Variants in FBXL7 observed in about 807,000 individuals in gnomAD.
FBXL7 encodes F-box and leucine rich repeat protein 7.
A neutral mutation model predicts 38.3 loss-of-function variants in FBXL7; 12 were observed. The ratio of observed to expected loss-of-function variants is 0.31; its 90% CI spans 0.20 to 0.51. The LOEUF (loss-of-function observed/expected upper bound fraction) is 0.51, where lower values mean the gene tolerates loss of function less well. Ranked by LOEUF, FBXL7 falls within the 20% of genes least tolerant of loss-of-function variation. The probability of loss-of-function intolerance (pLI) is 0.98; values close to 1 mark genes in which losing one functional copy is unlikely to be tolerated. For synonymous variants in FBXL7, 297 were observed against 300.9 expected (o/e 0.99, Z 0.13); for missense variants, 567 against 676.4 (o/e 0.84, Z 1.79).
intron 2 of FBXL7, among the ~76,000 whole-genome samples, chr5:15,859,112 G>A (rs1739362692): frequency 1.3e-5 from 2 of 152,180 alleles, no homozygotes; most frequent in South Asian, 4.1e-4. Flanking sequence ...GCCCCAGTGT[G>A]AAGTAGATGA....
chr5:15,849,280 A>G (rs1478622120), intron 2 of FBXL7, among the ~76,000 whole-genome samples: 1 of 152,228 alleles, frequency 6.6e-6, no homozygotes, highest in Non-Finnish European at 1.5e-5. Context: ...TCTTCATTGC[A>G]TCTGAAAGAG....
chr5:15,556,730 T>C (rs1190578372), intron 1 of FBXL7, among the ~76,000 whole-genome samples: 1 of 152,198 alleles, frequency 6.6e-6, no homozygotes. Context: ...TGTGCCAATC[T>C]CTCAATAAAT....
At chr5:15,810,561 C>CA (rs35254262) in intron 2 of FBXL7, among the ~76,000 whole-genome samples, 74,702 of 135,434 alleles carry the variant, frequency 0.55, 20,655 homozygotes, top group Non-Finnish European at 0.64. Flanking sequence ...AACTCCGTCT[C>CA]AAAAAAAAAA....
chr5:15,781,574 G>A (rs1736994419), intron 2 of FBXL7, among the ~76,000 whole-genome samples: 1 of 152,122 alleles, frequency 6.6e-6, no homozygotes, highest in African/African-American at 2.4e-5. Flanking sequence ...ATGTTCTTTA[G>A]AGGTGAATCT....
chr5:15,751,283 C>T (rs1420694591), intron 2 of FBXL7, among the ~76,000 whole-genome samples: 2 of 152,026 alleles, frequency 1.3e-5, no homozygotes, highest in Admixed American at 1.3e-4. Context: ...GATCAGTGGT[C>T]AGATGGTAAC....
intron 2 of FBXL7, among the ~76,000 whole-genome samples, chr5:15,893,752 C>A (rs1284384221): frequency 1.3e-5 from 2 of 152,160 alleles, no homozygotes; most frequent in African/African-American, 4.8e-5. Flanking sequence ...TCAAATATTT[C>A]ATATTAGAAC....
At chr5:15,625,064 C>T (rs1022625339) in intron 2 of FBXL7, among the ~76,000 whole-genome samples, 1 of 151,952 alleles carries the variant, frequency 6.6e-6, no homozygotes, top group Non-Finnish European at 1.5e-5. Context: ...TTTTCGGTGA[C>T]CAGAATTATA....
chr5:15,501,728 G>T (rs909062335), intron 1 of FBXL7: 3 of 985,318 alleles, frequency 3.0e-6, no homozygotes, highest in Admixed American at 6.1e-5. Context: ...CAGAATGTGG[G>T]TGTCTCTCCT....
chr5:15,805,494 A>G (rs868050723), intron 2 of FBXL7, among the ~76,000 whole-genome samples: 2 of 151,152 alleles, frequency 1.3e-5, no homozygotes, highest in African/African-American at 4.9e-5. Flanking sequence ...AATTTTTTTT[A>G]TAGATTTAAC....
intron 2 of FBXL7, among the ~76,000 whole-genome samples, chr5:15,718,140 T>C (rs948114865): frequency 2.0e-5 from 3 of 152,184 alleles, no homozygotes; most frequent in Non-Finnish European, 2.9e-5. Flanking sequence ...TGTATATATG[T>C]TCCATGTACT....
intron 1 of FBXL7, among the ~76,000 whole-genome samples, chr5:15,564,519 A>C (rs1475645118): frequency 6.6e-6 from 1 of 152,026 alleles, no homozygotes; most frequent in Non-Finnish European, 1.5e-5. Context: ...AATATATTTT[A>C]AGTAGATATA....
chr5:15,818,297 A>C (rs1738074439), intron 2 of FBXL7, among the ~76,000 whole-genome samples: 1 of 152,218 alleles, frequency 6.6e-6, no homozygotes, highest in African/African-American at 2.4e-5. Context: ...ACTAGTGAGA[A>C]AGGATCACTT....
chr5:15,830,485 A>ACACACAC (rs1554024729), intron 2 of FBXL7, among the ~76,000 whole-genome samples: 1,854 of 144,278 alleles, frequency 0.013, 34 homozygotes, highest in East Asian at 0.055. Flanking sequence ...CTCCATCTAA[A>ACACACAC]ACACACACAC....
chr5:15,817,448 T>C (rs970678748), intron 2 of FBXL7, among the ~76,000 whole-genome samples: 1 of 152,090 alleles, frequency 6.6e-6, no homozygotes, highest in Non-Finnish European at 1.5e-5. Flanking sequence ...GGTGAGAAAT[T>C]ATAGGCTGGG....
At chr5:15,762,564 G>A (rs775618644) in intron 2 of FBXL7, among the ~76,000 whole-genome samples, 2 of 152,064 alleles carry the variant, frequency 1.3e-5, no homozygotes, top group Non-Finnish European at 1.5e-5. Context: ...CTGTGACCTC[G>A]GGTGTATTAT....
chr5:15,755,120 C>A (rs1736259407), intron 2 of FBXL7, among the ~76,000 whole-genome samples: 1 of 152,094 alleles, frequency 6.6e-6, no homozygotes, highest in African/African-American at 2.4e-5. Context: ...AAACCTCATG[C>A]CCCTCAAATT....
At chr5:15,570,882 C>T (rs1580377518) in intron 1 of FBXL7, among the ~76,000 whole-genome samples, 2 of 152,160 alleles carry the variant, frequency 1.3e-5, no homozygotes, top group East Asian at 1.9e-4. Context: ...CACCTGAGGT[C>T]GGGAGTTCGA....
intron 2 of FBXL7, among the ~76,000 whole-genome samples, chr5:15,865,345 G>T (rs1451248164): frequency 6.6e-6 from 1 of 152,138 alleles, no homozygotes; most frequent in African/African-American, 2.4e-5. Context: ...ATTAGATCCT[G>T]GTCCCACAGG....
intron 2 of FBXL7, among the ~76,000 whole-genome samples, chr5:15,914,172 G>T (rs1441257727): frequency 6.6e-6 from 1 of 151,972 alleles, no homozygotes; most frequent in Non-Finnish European, 1.5e-5. Flanking sequence ...GGATCTCGAG[G>T]TCAGGTGATC....
Sources: allele counts gnomAD v4.1 joint callset (sites outside exome capture counted in the v4.1 genomes callset), GRCh38; gene constraint gnomAD v4.1.1; transcripts MANE v1.5; gene names NCBI Gene and HGNC (gene_info 2026-07-23, HGNC 2026-07-21).